MAGI3: variants seen among roughly 807,000 people sequenced by gnomAD.
The protein encoded by MAGI3 is membrane-associated guanylate kinase, WW and PDZ domain-containing protein 3.
A neutral mutation model predicts 121.8 loss-of-function variants in MAGI3; 43 were observed. That is an observed-to-expected ratio of 0.35 (90% CI 0.28 to 0.46). MAGI3 has a LOEUF of 0.46. Among genes scored for constraint, MAGI3 ranks in the 20% least tolerant of loss-of-function variants. MAGI3 has a pLI of 1.00. For missense variants in MAGI3, 1,547 were observed against 1,797.3 expected (o/e 0.86, Z 2.52); for synonymous variants, 553 against 639.3 (o/e 0.86, Z 2.04).
intron 1 of MAGI3, among the ~76,000 whole-genome samples, chr1:113,469,402 TG>T (rs1335306271): frequency 6.6e-6 from 1 of 152,168 alleles, no homozygotes; most frequent in African/African-American, 2.4e-5. Context: ...GTTTTGGACT[TG>T]GGGGACTTTT....
intron 2 of MAGI3, among the ~76,000 whole-genome samples, chr1:113,557,005 G>T (rs575693427): frequency 6.6e-6 from 1 of 152,300 alleles, no homozygotes; most frequent in East Asian, 1.9e-4. Flanking sequence ...ATCTATTAAA[G>T]AAATTGAATT....
Position 113,646,467 on chromosome 1 carries a change from A to G in MAGI3, c.1999-19A>G. On this transcript the variant is annotated intron_variant, in intron 11 of 20. Coordinates refer to ENST00000307546, the MANE Select transcript of MAGI3 (RefSeq NM_001142782.2). ...TCTGCTTTTTAAAAAATACTAAGTA[A>G]GGCTCTTTTCCATTTCAGAAAACAG... is the stretch of plus-strand genomic sequence containing the variant. The G allele has an allele frequency of 6.4e-7, 1 of 1,574,080 alleles. No individual in the cohort carries two copies. The highest frequency in any genetic ancestry group is 8.6e-7 in the Non-Finnish European group (1 of 1,162,970).
At chr1:113,541,481 T>C (rs80162716) in intron 1 of MAGI3, among the ~76,000 whole-genome samples, 1 of 152,150 alleles carries the variant, frequency 6.6e-6, no homozygotes, top group East Asian at 1.9e-4. Flanking sequence ...GACTCCAGAG[T>C]ATTTAATGCT....
chr1:113,657,586 G>C (rs947179812), intron 15 of MAGI3, among the ~76,000 whole-genome samples: 2 of 152,196 alleles, frequency 1.3e-5, no homozygotes, highest in Non-Finnish European at 2.9e-5. Flanking sequence ...AGAGTATCTA[G>C]AAAGAACACT....
At chr1:113,497,485 G>T (rs1411271467) in intron 1 of MAGI3, among the ~76,000 whole-genome samples, 2 of 65,768 alleles carry the variant, frequency 3.0e-5, no homozygotes, top group Non-Finnish European at 6.0e-5. Context: ...ACTCCCACCC[G>T]AATATTGCGC....
chr1:113,630,082 G>A (rs1021281279), intron 9 of MAGI3, among the ~76,000 whole-genome samples: 1 of 152,030 alleles, frequency 6.6e-6, no homozygotes, highest in Non-Finnish European at 1.5e-5. Flanking sequence ...ATATCGTCTG[G>A]GAGCTAGGGA....
intron 6 of MAGI3, among the ~76,000 whole-genome samples, chr1:113,613,565 G>C (rs1650286663): frequency 6.6e-6 from 1 of 152,150 alleles, no homozygotes; most frequent in African/African-American, 2.4e-5. Flanking sequence ...TAAGTCTTGT[G>C]ATGCTTTCTA....
chr1:113,629,838 G>T (rs1651508836), intron 9 of MAGI3, among the ~76,000 whole-genome samples: 1 of 144,198 alleles, frequency 6.9e-6, no homozygotes, highest in Non-Finnish European at 1.5e-5. Context: ...TTGGAACTGG[G>T]GGTTGGGGGA....
chr1:113,539,686 T>C (rs2101653462), intron 1 of MAGI3, among the ~76,000 whole-genome samples: 1 of 152,288 alleles, frequency 6.6e-6, no homozygotes, highest in Non-Finnish European at 1.5e-5. Flanking sequence ...TATTCAGTTA[T>C]GTTTAATTTG....
At chr1:113,510,449 G>C (rs1255788510) in intron 1 of MAGI3, among the ~76,000 whole-genome samples, 1 of 148,472 alleles carries the variant, frequency 6.7e-6, no homozygotes, top group Non-Finnish European at 1.5e-5. Context: ...ATGATTCAAA[G>C]CACCAAATAT....
intron 1 of MAGI3, among the ~76,000 whole-genome samples, chr1:113,503,270 G>C (rs1570765289): frequency 1.5e-5 from 1 of 65,544 alleles, no homozygotes; most frequent in Admixed American, 2.2e-4. Flanking sequence ...TCACACCACT[G>C]CACTCCAGCC....
intron 1 of MAGI3, among the ~76,000 whole-genome samples, chr1:113,477,628 A>T (rs892602277): frequency 6.6e-6 from 1 of 152,128 alleles, no homozygotes; most frequent in Non-Finnish European, 1.5e-5. Flanking sequence ...CTTTGTGGGT[A>T]ACTCGACCTT....
chr1:113,644,146 C>T (rs1338490773), intron 11 of MAGI3, among the ~76,000 whole-genome samples: 2 of 152,184 alleles, frequency 1.3e-5, no homozygotes, highest in African/African-American at 2.4e-5. Flanking sequence ...ACTATTACAT[C>T]GTCTTGCCCC....
intron 9 of MAGI3, 107 bp from the exon 10 acceptor site, chr1:113,641,804 C>G: frequency 9.5e-7 from 1 of 1,055,094 alleles, no homozygotes; most frequent in Non-Finnish European, 1.3e-6. Flanking sequence ...ATAGAGGTTT[C>G]CAAAATTCAA....
chr1:113,658,750 C>T lies in MAGI3; in HGVS notation c.2630-330C>T, dbSNP rs1653614577. ...ATAAACAATGAGACATCTGATCAGT[C>T]AGGTGGTATCAGTGAGATTAGTAGC... is the stretch of plus-strand genomic sequence containing the variant. On this transcript the variant is annotated intron_variant, in intron 15 of 20. Coordinates refer to ENST00000307546, the MANE Select transcript of MAGI3 (RefSeq NM_001142782.2). This position sits in a 1 kb window ranked among gnomAD's most constrained non-coding sequence, Gnocchi z 4.0. 6.6e-6 allele frequency among the ~76,000 whole-genome samples: 1 copy of T among 152,140 alleles called. No individual in the cohort carries two copies. The highest frequency in any genetic ancestry group is 2.4e-5 in the African/African-American group (1 of 41,422).
At chr1:113,513,353 A>G (rs1657715373) in intron 1 of MAGI3, among the ~76,000 whole-genome samples, 1 of 152,238 alleles carries the variant, frequency 6.6e-6, no homozygotes, top group Non-Finnish European at 1.5e-5. Context: ...AGCTGGAGGC[A>G]TCACGTTACC....
chr1:113,507,919 G>A (rs1435613776), intron 1 of MAGI3, among the ~76,000 whole-genome samples: 1 of 152,134 alleles, frequency 6.6e-6, no homozygotes, highest in Non-Finnish European at 1.5e-5. Flanking sequence ...CAACCTTATT[G>A]AAGAACTCTG....
chr1:113,454,115 C>T (rs1014433151), intron 1 of MAGI3, among the ~76,000 whole-genome samples: 7 of 152,128 alleles, frequency 4.6e-5, no homozygotes, highest in African/African-American at 1.4e-4. Flanking sequence ...TGAGTAAGAA[C>T]AGGAATTATG....
At position 113,391,490 on chromosome 1, in the gene MAGI3, G is replaced by A. The variant is rs1418349916; in HGVS notation, c.316+141G>A. 2 of 973,818 alleles carry A rather than the reference G, an allele frequency of 2.1e-6. No homozygotes were observed. The highest frequency in any genetic ancestry group is 5.7e-5 in the East Asian group (2 of 34,816). The allele number at this position is 973,818 out of a possible 1,614,324, so 60.3% of individuals were successfully genotyped here. On this transcript the variant is annotated intron_variant, in intron 1 of 20. Transcript: ENST00000307546. This position sits in a 1 kb window ranked among gnomAD's most constrained non-coding sequence, Gnocchi z 4.4. The stretch of plus-strand genomic sequence containing the variant: ...TAGGGTGTGCCAGACTCCTTGACGA[G>A]GGGGAGGGGTGGCGTTGGTGAGTCC...
Sources: allele counts gnomAD v4.1 joint callset (sites outside exome capture counted in the v4.1 genomes callset), GRCh38; gene constraint gnomAD v4.1.1; non-coding constraint Gnocchi (gnomAD v3.1); transcripts MANE v1.5; gene names NCBI Gene and HGNC (gene_info 2026-07-23, HGNC 2026-07-21).